The following ARB2A variants were observed in gnomAD, a reference collection of about 807,000 sequenced individuals.
ARB2A encodes ARB2 cotranscriptional regulator A.
the ARB2A span, among the ~76,000 whole-genome samples, chr5:93,964,795 CTG>C: frequency 6.6e-6 from 1 of 151,990 alleles, no homozygotes; most frequent in Non-Finnish European, 1.5e-5. Context: ...AGAGAATACT[CTG>C]AAAGTATATT....
the ARB2A span, among the ~76,000 whole-genome samples, chr5:94,008,378 C>T: frequency 2.4e-3 from 360 of 152,306 alleles, no homozygotes; most frequent in African/African-American, 8.3e-3. Context: ...TATCAATCAT[C>T]TGGAGATAGT....
chr5:93,639,063 T>C, the ARB2A span, among the ~76,000 whole-genome samples: 1 of 152,236 alleles, frequency 6.6e-6, no homozygotes, highest in African/African-American at 2.4e-5. Context: ...ATTTATACCA[T>C]TAACTAAAGA....
the ARB2A span, among the ~76,000 whole-genome samples, chr5:94,037,126 T>C: frequency 0.024 from 3,603 of 152,272 alleles, 61 homozygotes; most frequent in Non-Finnish European, 0.035. Context: ...TTCTGTTCAG[T>C]TGGTCTGTGG....
At chr5:93,780,942 C>T in the ARB2A span, among the ~76,000 whole-genome samples, 1 of 152,140 alleles carries the variant, frequency 6.6e-6, no homozygotes, top group African/African-American at 2.4e-5. Context: ...AACCTTTGTT[C>T]TGTGTGCTAA....
chr5:93,927,470 A>C, the ARB2A span, among the ~76,000 whole-genome samples: 1 of 152,112 alleles, frequency 6.6e-6, no homozygotes, highest in Non-Finnish European at 1.5e-5. Context: ...CAGCCATAAA[A>C]AGTACATATT....
the ARB2A span, chr5:93,865,575 G>T: frequency 1.0e-6 from 1 of 985,288 alleles, no homozygotes; most frequent in Non-Finnish European, 1.2e-6. Context: ...AGTTTTAAAA[G>T]CAAAAAGCAT....
At chr5:93,619,420 T>C in the ARB2A span, 1 of 152,218 alleles carries the variant, frequency 6.6e-6, no homozygotes, top group East Asian at 1.9e-4. Flanking sequence ...AGCAATGAGA[T>C]ATTAACAGCT....
the ARB2A span, among the ~76,000 whole-genome samples, chr5:93,942,725 G>GA: frequency 1.3e-5 from 2 of 151,232 alleles, no homozygotes; most frequent in Non-Finnish European, 3.0e-5. Context: ...CCTACTCAAA[G>GA]AAAAAATAAA....
chr5:94,069,055 T>TAGAC, the ARB2A span, among the ~76,000 whole-genome samples: 3 of 149,666 alleles, frequency 2.0e-5, no homozygotes, highest in African/African-American at 7.4e-5. Flanking sequence ...GATAGATAGA[T>TAGAC]AGATAGATAG....
chr5:93,891,490 C>T, the ARB2A span, among the ~76,000 whole-genome samples: 1 of 151,968 alleles, frequency 6.6e-6, no homozygotes, highest in Admixed American at 6.6e-5. Context: ...CAATAATATA[C>T]AACTCATAAC....
At chr5:93,700,284 A>G in the ARB2A span, among the ~76,000 whole-genome samples, 10 of 152,166 alleles carry the variant, frequency 6.6e-5, no homozygotes, top group Non-Finnish European at 1.5e-4. Flanking sequence ...ATGTTAGATA[A>G]CATTGAAGCT....
the ARB2A span, among the ~76,000 whole-genome samples, chr5:94,069,039 A>AAGATAGATAGATAGATAGGTAGGT: frequency 2.4e-4 from 33 of 140,394 alleles, no homozygotes; most frequent in African/African-American, 8.9e-4. Flanking sequence ...CTGTCTTAAA[A>AAGATAGATAGATAGATAGGTAGGT]AGATAGATAG....
the ARB2A span, among the ~76,000 whole-genome samples, chr5:93,720,157 A>AT: frequency 7.2e-5 from 11 of 152,326 alleles, no homozygotes; most frequent in Non-Finnish European, 1.5e-5. Flanking sequence ...AGAAACATAG[A>AT]ACCCTAGAAT....
At chr5:93,773,594 A>C in the ARB2A span, among the ~76,000 whole-genome samples, 4 of 152,178 alleles carry the variant, frequency 2.6e-5, 1 homozygote, top group South Asian at 8.3e-4. Flanking sequence ...ACCTCATTTT[A>C]TTGTGCTTCA....
At chr5:93,875,825 T>TA in the ARB2A span, among the ~76,000 whole-genome samples, 1 of 149,042 alleles carries the variant, frequency 6.7e-6, no homozygotes, top group Non-Finnish European at 1.5e-5. Context: ...AGACTAAAGA[T>TA]AGAGTTAATT....
chr5:93,944,212 G>A, the ARB2A span, among the ~76,000 whole-genome samples: 1 of 151,962 alleles, frequency 6.6e-6, no homozygotes, highest in African/African-American at 2.4e-5. Context: ...TCACCGGAAC[G>A]GCCAGGTTAA....
At chr5:93,764,414 T>C in the ARB2A span, among the ~76,000 whole-genome samples, 7 of 152,244 alleles carry the variant, frequency 4.6e-5, no homozygotes, top group South Asian at 1.2e-3. Context: ...GAGAATACTA[T>C]AAACACCTCT....
the ARB2A span, among the ~76,000 whole-genome samples, chr5:93,689,608 G>T: frequency 6.6e-6 from 1 of 152,034 alleles, no homozygotes; most frequent in African/African-American, 2.4e-5. Context: ...AGCAGAAATG[G>T]GTCAGAAATG....
At chr5:93,717,440 C>CTTTTTTTTT in the ARB2A span, among the ~76,000 whole-genome samples, 1 of 107,398 alleles carries the variant, frequency 9.3e-6, no homozygotes. Flanking sequence ...ACCACAGTTG[C>CTTTTTTTTT]TTTTTTTTTT....
Sources: gnomAD v4.1 joint callset for allele counts (sites outside exome capture counted in the v4.1 genomes callset) on GRCh38, gnomAD v4.1.1 for gene constraint, MANE v1.5 for transcripts, NCBI Gene and HGNC (gene_info 2026-07-23, HGNC 2026-07-21) for gene names.